NEDD4: variants seen among roughly 807,000 people sequenced by gnomAD.
The protein encoded by NEDD4 is E3 ubiquitin-protein ligase NEDD4.
Under a neutral mutation model 144.9 loss-of-function variants are expected in NEDD4, and 99 were observed. The observed-to-expected ratio is 0.68, with a 90% CI of 0.58 to 0.81. NEDD4 has a LOEUF of 0.81. NEDD4 is among the 30% of genes least tolerant of loss of function. The pLI, the probability that NEDD4 is intolerant of heterozygous loss-of-function variation, is 0.00. For missense variants in NEDD4, 985 were observed against 1,065.9 expected (o/e 0.92, Z 1.06); for synonymous variants, 318 against 350.6 (o/e 0.91, Z 1.04).
At chr15:55,925,632 T>C (rs1373670431) in intron 4 of NEDD4, among the ~76,000 whole-genome samples, 1 of 152,206 alleles carries the variant, frequency 6.6e-6, no homozygotes, top group African/African-American at 2.4e-5. Flanking sequence ...ATATATTATA[T>C]TGAACACTGT....
At chr15:55,966,732 T>C (rs1292937087) in intron 1 of NEDD4, among the ~76,000 whole-genome samples, 186 bp from the exon 2 acceptor site, 2 of 152,206 alleles carry the variant, frequency 1.3e-5, no homozygotes, top group East Asian at 3.8e-4. Flanking sequence ...ATGACCTGAT[T>C]ATTTACAAAG....
chr15:55,837,151 C>A (rs1279494454), intron 24 of NEDD4, among the ~76,000 whole-genome samples: 1 of 151,992 alleles, frequency 6.6e-6, no homozygotes, highest in Non-Finnish European at 1.5e-5. Flanking sequence ...GAAAGTAGGC[C>A]GAGCACGGTG....
At position 55,833,038 on chromosome 15, in the gene NEDD4, C is replaced by A; in HGVS notation, c.2497G>T (p.Val833Leu). The A allele has an allele frequency of 6.2e-7, 1 of 1,613,178 alleles. No individual in the cohort carries two copies. The highest frequency in any genetic ancestry group is 2.2e-5 in the East Asian group (1 of 44,846). The change falls in exon 27 of 29, where the codon GTG becomes TTG. Residue 833 changes from valine (V) to leucine (L), a missense_variant. Coordinates refer to ENST00000435532, the MANE Select transcript of NEDD4 (RefSeq NM_006154.4). ...AGTTCAGCAAATCCATTCATAGGCA[C>A]CCGAGATGTGCCAGTGACAAACTGA... is the stretch of plus-strand genomic sequence containing the variant. ...LLQFVTGTSR[V>L]PMNGFAELYG...
chr15:55,924,116 C>CTTT (rs1442860809), intron 5 of NEDD4, among the ~76,000 whole-genome samples: 1 of 152,114 alleles, frequency 6.6e-6, no homozygotes, highest in Admixed American at 6.5e-5. Context: ...TTTAACTTTG[C>CTTT]TTTTTGCTTC....
At chr15:55,843,543 G>A (rs1458348497) in intron 18 of NEDD4, among the ~76,000 whole-genome samples, 24 of 151,978 alleles carry the variant, frequency 1.6e-4, no homozygotes. Context: ...AGTACTTCAT[G>A]GGCAAATTTC....
Position 55,829,865 on chromosome 15 carries a change from C to G in NEDD4, c.*32G>C. 6.6e-7 allele frequency: 1 copy of G among 1,525,044 alleles called. No individual in the cohort carries two copies. Among genetic ancestry groups the G allele is most frequent in the Middle Eastern group, 1.7e-4 (1 of 5,774 alleles). The allele number at this position is 1,525,044 out of a possible 1,614,324, so 94.5% of individuals were successfully genotyped here. A position where few individuals can be genotyped will look rare whatever the true frequency, so the allele number is the denominator to read the frequency against. ...CAAGATTTTGGTTATAAAACTATGG[C>G]AGTAAAAACACTACAGATTGTTATT... is the stretch of plus-strand genomic sequence containing the variant. On this transcript the variant is annotated 3_prime_UTR_variant, in exon 29 of 29. Coordinates refer to ENST00000435532, the MANE Select transcript of NEDD4 (RefSeq NM_006154.4).
At chr15:55,990,318 C>G (rs2037968797) in intron 1 of NEDD4, among the ~76,000 whole-genome samples, 1 of 152,014 alleles carries the variant, frequency 6.6e-6, no homozygotes, top group Non-Finnish European at 1.5e-5. Flanking sequence ...CAGTTGGGGA[C>G]TGCAGTTCTA....
chr15:55,910,117 A>T (rs946762319), intron 5 of NEDD4, among the ~76,000 whole-genome samples: 9 of 152,156 alleles, frequency 5.9e-5, no homozygotes, highest in African/African-American at 1.9e-4. Flanking sequence ...CTCCCTGTAG[A>T]GAGGGAGTTT....
rs767389819 is a variant in NEDD4 at position 55,850,681 on chromosome 15, G to A, written c.1208C>T (p.Ala403Val). 3.1e-6 allele frequency: 5 copies of A among 1,614,104 alleles called. No individual in the cohort carries two copies. Among genetic ancestry groups the A allele is most frequent in the Admixed American group, 1.7e-5 (1 of 60,024 alleles). Residue 403 changes from alanine (A) to valine (V), a missense_variant, in exon 14 of 29, where the codon GCC (alanine) becomes GTC (valine). Physicochemically the swap from Ala to Val is moderately conservative, Grantham distance 64 (BLOSUM62 0). Coordinates refer to ENST00000435532, the MANE Select transcript of NEDD4 (RefSeq NM_006154.4). Reference protein sequence around the residue: ...SQSSAGPQSQASTSDSGQQVT... With the variant: ...SQSSAGPQSQVSTSDSGQQVT... ...CTGCTGGCCTGAATCACTGGTGGAG[G>A]CTTGTGATTGAGGGCCTGCAGAACT...
intron 13 of NEDD4, 94 bp from the exon 14 acceptor site, chr15:55,850,836 C>T (rs1465684407): frequency 1.9e-6 from 2 of 1,042,596 alleles, no homozygotes; most frequent in Non-Finnish European, 2.7e-6. Context: ...AAATAGAATA[C>T]ACACCCTCCA....
intron 11 of NEDD4, among the ~76,000 whole-genome samples, chr15:55,858,970 T>C (rs1426551099): frequency 6.6e-6 from 1 of 152,216 alleles, no homozygotes; most frequent in Non-Finnish European, 1.5e-5. Context: ...GCTGCTGATT[T>C]GGCCCACCGG....
chr15:55,958,557 T>C (rs1435581782), intron 2 of NEDD4, among the ~76,000 whole-genome samples: 1 of 152,196 alleles, frequency 6.6e-6, no homozygotes, highest in African/African-American at 2.4e-5. Context: ...GTAGAATTTT[T>C]ATTTTTTTTT....
intron 4 of NEDD4, among the ~76,000 whole-genome samples, chr15:55,934,222 G>A (rs2036839645): frequency 6.6e-6 from 1 of 152,164 alleles, no homozygotes; most frequent in South Asian, 2.1e-4. Flanking sequence ...AGCAGTGTGA[G>A]AATGGGCTAA....
rs140223805 is a variant in NEDD4, at chr15:55,847,031, C to T, written c.1546G>A (p.Val516Met). The T allele has an allele frequency of 1.7e-5, 27 of 1,599,398 alleles. No individual in the cohort carries two copies. In the African/African-American group the frequency reaches 3.0e-4, roughly 18 times the overall value. The change falls in exon 18 of 29, where the codon GTG (valine) becomes ATG (methionine). Residue 516 changes from valine (V) to methionine (M), a missense_variant. Val to Met is a conservative substitution (Grantham distance 21). Transcript: ENST00000435532. ...LENVAITGPA[V>M]PYSRDYKRKY... ...CTTTTGTAATCCCTGGAGTAGGGCA[C>T]TGCCTTTAGTTGGAAATTTTGGAAA...
At chr15:55,944,580 G>A (rs574018064) in intron 4 of NEDD4, among the ~76,000 whole-genome samples, 1 of 152,250 alleles carries the variant, frequency 6.6e-6, no homozygotes, top group East Asian at 1.9e-4. Context: ...ACAAAATGCA[G>A]CAGAAACTTC....
At chr15:55,848,646 G>C (rs1341766894) in intron 15 of NEDD4, 71 bp from the exon 16 acceptor site, 4 of 1,378,426 alleles carry the variant, frequency 2.9e-6, no homozygotes, top group Non-Finnish European at 4.1e-6. Flanking sequence ...AATAGCACTG[G>C]TTGTATGGTT....
At chr15:55,964,567 G>A (rs1450638232) in intron 2 of NEDD4, among the ~76,000 whole-genome samples, 1 of 151,376 alleles carries the variant, frequency 6.6e-6, no homozygotes, top group Non-Finnish European at 1.5e-5. Flanking sequence ...CCATTTTCCT[G>A]GTTCTTTTTA....
chr15:55,964,195 C>A (rs62045215), intron 2 of NEDD4, among the ~76,000 whole-genome samples: 15,465 of 152,070 alleles, frequency 0.1, 952 homozygotes, highest in African/African-American at 0.16. Context: ...GTGCCTTCTT[C>A]TTTTCCCTCC....
intron 21 of NEDD4, 56 bp from the exon 22 acceptor site, chr15:55,838,660 C>CA (rs1341136985): frequency 3.3e-4 from 382 of 1,174,038 alleles, no homozygotes; most frequent in Non-Finnish European, 4.4e-4. Context: ...CCTGAAATTG[C>CA]AAAAAACAGT....
Sources: allele counts gnomAD v4.1 joint callset (sites outside exome capture counted in the v4.1 genomes callset), GRCh38; gene constraint gnomAD v4.1.1; transcripts MANE v1.5; gene names NCBI Gene and HGNC (gene_info 2026-07-23, HGNC 2026-07-21).